Variants in PTPRG observed in about 807,000 individuals in gnomAD.
The protein encoded by PTPRG is protein tyrosine phosphatase receptor type G.
Under a neutral mutation model 165.3 loss-of-function variants are expected in PTPRG, and 102 were observed. The observed-to-expected ratio is 0.62, with a 90% CI of 0.53 to 0.73. The LOEUF is 0.73. PTPRG is among the 30% of genes least tolerant of loss of function. The probability of loss-of-function intolerance (pLI) is 0.00; values close to 1 mark genes in which losing one functional copy is unlikely to be tolerated. For synonymous variants in PTPRG, 675 were observed against 669.5 expected (o/e 1.01, Z -0.13); for missense variants, 1,866 against 1,861.4 (o/e 1.00, Z -0.05).
At chr3:62,270,754 T>A (rs1702034130) in intron 20 of PTPRG, among the ~76,000 whole-genome samples, 1 of 152,144 alleles carries the variant, frequency 6.6e-6, no homozygotes, top group Non-Finnish European at 1.5e-5. Context: ...AGAAATCGTA[T>A]CATAGCAAAT....
intron 1 of PTPRG, among the ~76,000 whole-genome samples, chr3:61,627,399 A>G (rs1701643352): frequency 6.6e-6 from 1 of 152,158 alleles, no homozygotes; most frequent in South Asian, 2.1e-4. Context: ...CTATCTCTGA[A>G]TGTTGGAAAT....
At chr3:61,796,259 C>G (rs1022601581) in intron 2 of PTPRG, among the ~76,000 whole-genome samples, 4 of 152,138 alleles carry the variant, frequency 2.6e-5, no homozygotes, top group Admixed American at 2.6e-4. Context: ...GCAGATAACT[C>G]GTTAGGTTTC....
chr3:62,074,352 CTTTTTTTTTTTT>C (rs200189646), intron 4 of PTPRG, among the ~76,000 whole-genome samples: 1 of 109,114 alleles, frequency 9.2e-6, no homozygotes, highest in East Asian at 2.3e-4. Context: ...TCTTTTCTTT[CTTTTTTTTTTTT>C]TTTTTTTTTG....
chr3:61,932,241 GGATTGGATATTACATA>G (rs1411034523), intron 2 of PTPRG, among the ~76,000 whole-genome samples: 1 of 152,140 alleles, frequency 6.6e-6, no homozygotes, highest in Non-Finnish European at 1.5e-5. Context: ...CTGCATCTTT[GGATTGGATATTACATA>G]GATTCTTGTA....
At chr3:61,570,971 T>A (rs1485339331) in intron 1 of PTPRG, among the ~76,000 whole-genome samples, 1 of 152,116 alleles carries the variant, frequency 6.6e-6, no homozygotes, top group Non-Finnish European at 1.5e-5. Context: ...CAGATATACA[T>A]ATCTCTTATT....
intron 1 of PTPRG, among the ~76,000 whole-genome samples, chr3:61,616,603 A>G (rs368579896): frequency 1.3e-5 from 2 of 152,210 alleles, no homozygotes; most frequent in African/African-American, 2.4e-5. Flanking sequence ...TCCCTGCCAT[A>G]TAGACACCCT....
chr3:61,793,257 T>G (rs1227763345), intron 2 of PTPRG, among the ~76,000 whole-genome samples: 1 of 152,174 alleles, frequency 6.6e-6, no homozygotes, highest in Non-Finnish European at 1.5e-5. Flanking sequence ...CTCTTTCACT[T>G]GAATGGATAT....
At chr3:62,223,438 A>G (rs1423125095) in intron 13 of PTPRG, among the ~76,000 whole-genome samples, 1 of 152,256 alleles carries the variant, frequency 6.6e-6, no homozygotes, top group Non-Finnish European at 1.5e-5. Flanking sequence ...ACAGATTTAC[A>G]TATACATAAA....
In PTPRG at chr3:61,638,077, G is replaced by T. The variant is rs532250695; in HGVS notation, c.85+75705G>T. The stretch of plus-strand genomic sequence containing the variant: ...TTTAAAAAGGAGTCTGTTGTCCTTA[G>T]ACTTGTTAACTCTTCAACTGCTGTT... On this transcript the variant is annotated intron_variant, in intron 1 of 29. Transcript: ENST00000474889. Among the ~76,000 whole-genome samples the T allele has an allele frequency of 3.6e-4, 55 of 152,264 alleles. No homozygotes were observed. The South Asian group carries it at 0.011, about 31-fold the overall frequency.
intron 8 of PTPRG, among the ~76,000 whole-genome samples, chr3:62,178,928 A>G (rs1327233274): frequency 6.6e-6 from 1 of 152,202 alleles, no homozygotes; most frequent in Non-Finnish European, 1.5e-5. Flanking sequence ...TTACTCCCAG[A>G]GCAGCACACT....
At chr3:62,108,445 T>C (rs1702551954) in intron 5 of PTPRG, among the ~76,000 whole-genome samples, 1 of 152,258 alleles carries the variant, frequency 6.6e-6, no homozygotes, top group East Asian at 1.9e-4. Flanking sequence ...GTTCTATCAT[T>C]GATGGACATT....
chr3:61,895,518 T>C (rs1160487842), intron 2 of PTPRG, among the ~76,000 whole-genome samples: 1 of 152,212 alleles, frequency 6.6e-6, no homozygotes, highest in East Asian at 1.9e-4. Context: ...TGCATATAAA[T>C]GTATAGGATT....
Position 61,823,853 on chromosome 3 carries a change from G to T in PTPRG, c.190+74871G>T, listed in dbSNP as rs1393943502. On this transcript the variant is annotated intron_variant, in intron 2 of 29. Coordinates refer to ENST00000474889, the MANE Select transcript of PTPRG (RefSeq NM_002841.4). ...GTTATAAATGATGATGAAGCTGGGT[G>T]CAGTGGCTCACGCCTGTAATCCCAG... Among the ~76,000 whole-genome samples the T allele has an allele frequency of 3.3e-5, 5 of 152,220 alleles. No individual in the cohort carries two copies. The East Asian group carries it at 9.7e-4, about 29-fold the overall frequency.
chr3:61,721,665 G>A (rs2032050521), intron 1 of PTPRG, among the ~76,000 whole-genome samples: 1 of 152,036 alleles, frequency 6.6e-6, no homozygotes, highest in Non-Finnish European at 1.5e-5. Context: ...AAAGTTCCTG[G>A]AGAACTTTTT....
chr3:62,233,201 T>C lies in PTPRG; in HGVS notation c.2375+1890T>C, dbSNP rs992934949. On this transcript the variant is annotated intron_variant, in intron 14 of 29. Transcript: ENST00000474889. This position sits in a 1 kb window ranked among gnomAD's most constrained non-coding sequence, Gnocchi z 4.7. ...GGCGTGAATCCTGAGCAGTACCCCC[T>C]CTCACAGCTACATGTGCTATGCTAA... Among the ~76,000 whole-genome samples, 1 of 152,004 alleles carries C rather than the reference T, an allele frequency of 6.6e-6. No homozygotes were observed. Among genetic ancestry groups the C allele is most frequent in the Non-Finnish European group, 1.5e-5 (1 of 67,914 alleles).
At chr3:62,144,005 T>C (rs1704026127) in intron 6 of PTPRG, among the ~76,000 whole-genome samples, 1 of 150,478 alleles carries the variant, frequency 6.6e-6, no homozygotes, top group Non-Finnish European at 1.5e-5. Flanking sequence ...CAGCAAACTA[T>C]AATCTGCAGA....
At chr3:61,855,298 A>G (rs2037068480) in intron 2 of PTPRG, among the ~76,000 whole-genome samples, 1 of 152,196 alleles carries the variant, frequency 6.6e-6, no homozygotes, top group African/African-American at 2.4e-5. Flanking sequence ...TTCCTCAAGC[A>G]GTTCTCTCAG....
At chr3:61,848,507 T>C (rs1253069507) in intron 2 of PTPRG, among the ~76,000 whole-genome samples, 1 of 152,244 alleles carries the variant, frequency 6.6e-6, no homozygotes, top group Non-Finnish European at 1.5e-5. Flanking sequence ...GCTGTTCTTT[T>C]CCAAAGTGGA....
intron 1 of PTPRG, among the ~76,000 whole-genome samples, chr3:61,712,954 T>A (rs2031635551): frequency 6.6e-6 from 1 of 152,198 alleles, no homozygotes; most frequent in Non-Finnish European, 1.5e-5. Flanking sequence ...CTCTTGATGT[T>A]CATGGAGGGG....
Sources: allele counts gnomAD v4.1 joint callset (sites outside exome capture counted in the v4.1 genomes callset), GRCh38; gene constraint gnomAD v4.1.1; non-coding constraint Gnocchi (gnomAD v3.1); transcripts MANE v1.5; gene names NCBI Gene and HGNC (gene_info 2026-07-23, HGNC 2026-07-21).